Variants in WNK2 observed in about 807,000 individuals in gnomAD.
WNK2 encodes the protein serine/threonine-protein kinase WNK2.
In WNK2, 67 loss-of-function variants were observed where a neutral mutation model predicts 192.1. That is an observed-to-expected ratio of 0.35 (90% CI 0.29 to 0.43). The LOEUF (loss-of-function observed/expected upper bound fraction) is 0.43, where lower values mean the gene tolerates loss of function less well. Ranked by LOEUF, WNK2 falls within the 20% of genes least tolerant of loss-of-function variation. The pLI is 1.00. For synonymous variants in WNK2, 1,439 were observed against 1,393.9 expected, an observed-to-expected ratio of 1.03 and a Z score of -0.72; for missense variants, 2,698 against 3,089.7, an observed-to-expected ratio of 0.87 and a Z score of 3.01.
intron 2 of WNK2, among the ~76,000 whole-genome samples, chr9:93,192,607 T>G (rs1830537003): frequency 1.3e-5 from 2 of 151,918 alleles, no homozygotes; most frequent in African/African-American, 4.8e-5. Context: ...GAGGAGCTCA[T>G]TACCCTGCCC....
rs1267335245 is a variant in WNK2 at position 93,293,280 on chromosome 9, C to T, written c.5708+107C>T. The T allele has an allele frequency of 4.4e-6, 5 of 1,149,394 alleles. No homozygotes were observed. The Admixed American group carries it at 1.8e-4, about 41-fold the overall frequency. 71.2% of individuals were successfully genotyped at this position (1,149,394 alleles called of 1,614,324 possible). A position where few individuals can be genotyped will look rare whatever the true frequency, so the allele number is the denominator to read the frequency against. ...GGGCTGAAGTCCTGGCCAAGCAGCG[C>T]CCACTTGGAGCTGCCAAGCAGGGAC... On this transcript the variant is annotated intron_variant, in intron 23 of 29. Coordinates refer to ENST00000427277, the MANE Select transcript of WNK2 (RefSeq NM_006648.4).
chr9:93,258,021 C>G (rs1843588329), intron 11 of WNK2, among the ~76,000 whole-genome samples: 1 of 152,214 alleles, frequency 6.6e-6, no homozygotes, highest in Non-Finnish European at 1.5e-5. Context: ...ACGAGCCCCA[C>G]CTGGAAGATT....
chr9:93,290,621 C>T (rs1376476780), intron 21 of WNK2, among the ~76,000 whole-genome samples: 2 of 152,186 alleles, frequency 1.3e-5, no homozygotes, highest in African/African-American at 2.4e-5. Context: ...GCACACGTTC[C>T]GGTGGACCCA....
In WNK2 at chr9:93,298,084, AGGGCTGGGATGGGAGCG is replaced by A. The variant is rs1850920926; in HGVS notation, c.5923+26_5923+42del. On this transcript the variant is annotated intron_variant, in intron 24 of 29. Coordinates refer to ENST00000427277, the MANE Select transcript of WNK2 (RefSeq NM_006648.4). Reference sequence around the variant, plus strand: ...CCAGCACAGGTCGGCCTCCGGGTGCAGGGCTGGGATGGGAGCGGGGCTGGGGACCCCCGAGTGAGCCT... The same window carrying A: ...CCAGCACAGGTCGGCCTCCGGGTGCAGGGCTGGGGACCCCCGAGTGAGCCT... The A allele has an allele frequency of 6.5e-7, 1 of 1,547,996 alleles. No individual in the cohort carries two copies. Among genetic ancestry groups the A allele is most frequent in the Non-Finnish European group, 8.7e-7 (1 of 1,146,758 alleles).
intron 2 of WNK2, among the ~76,000 whole-genome samples, chr9:93,201,404 G>C (rs766491744): frequency 2.0e-5 from 3 of 152,206 alleles, no homozygotes; most frequent in Non-Finnish European, 4.4e-5. Flanking sequence ...TTCCTGGTTG[G>C]GGTGCTCACG....
chr9:93,264,160 C>T (rs1057225317), intron 16 of WNK2, 127 bp downstream of exon 16: 9 of 713,082 alleles, frequency 1.3e-5, no homozygotes, highest in Admixed American at 2.1e-5. Flanking sequence ...AGGGGCTTTT[C>T]GGGACAGTGC....
Position 93,268,119 on chromosome 9 carries a change from C to G in WNK2, c.3913+54C>G. On this transcript the variant is annotated intron_variant, in intron 18 of 29. Transcript: ENST00000427277. ...TAAGCAGGCGTTTGATGAAAGTCCCCACTCAGCATATTACCAGGGGTTTGG... is the reference window on the plus strand; with the variant it reads ...TAAGCAGGCGTTTGATGAAAGTCCCGACTCAGCATATTACCAGGGGTTTGG... 5 of 1,560,908 alleles carry G rather than the reference C, an allele frequency of 3.2e-6. No homozygotes were observed. In the South Asian group the frequency reaches 5.9e-5, roughly 18 times the overall value.
Position 93,249,907 on chromosome 9 carries a change from ATTTTTTTTTT to A in WNK2, c.1834+2090_1834+2099del, listed in dbSNP as rs58293954. Among the ~76,000 whole-genome samples the A allele has an allele frequency of 5.2e-3, 444 of 85,450 alleles. 1 individual carries two copies. Among genetic ancestry groups the A allele is most frequent in the African/African-American group, 0.019 (393 of 20,622 alleles). 56.1% of individuals were successfully genotyped at this position (85,450 alleles called of 152,430 possible). A position where few individuals can be genotyped will look rare whatever the true frequency, so the allele number is the denominator to read the frequency against. ...TCCCTAGAGGCAACAGATGCTACCA[ATTTTTTTTTT>A]TTTTTTTTTTTTTTTTAAAGACAGT... On this transcript the variant is annotated intron_variant, in intron 8 of 29. Coordinates refer to ENST00000427277, the MANE Select transcript of WNK2 (RefSeq NM_006648.4).
intron 7 of WNK2, among the ~76,000 whole-genome samples, chr9:93,243,626 C>T (rs868151936): frequency 8.5e-5 from 13 of 152,220 alleles, no homozygotes; most frequent in African/African-American, 2.7e-4. Flanking sequence ...CCTCAAGAGC[C>T]GCCTGGCAGC....
At chr9:93,206,124 G>A (rs894806617) in intron 2 of WNK2, among the ~76,000 whole-genome samples, 4 of 152,224 alleles carry the variant, frequency 2.6e-5, no homozygotes, top group African/African-American at 9.6e-5. Context: ...TGAGGGGCAT[G>A]CGGGGTACAG....
chr9:93,290,897 G>A (rs768316669), intron 21 of WNK2, among the ~76,000 whole-genome samples: 2 of 152,204 alleles, frequency 1.3e-5, no homozygotes, highest in Admixed American at 6.5e-5. Context: ...GACTGATCTT[G>A]TGAGGTCTGA....
chr9:93,296,870 TC>T (rs1850620111), intron 23 of WNK2, among the ~76,000 whole-genome samples: 1 of 78,132 alleles, frequency 1.3e-5, no homozygotes, highest in Admixed American at 1.5e-4. Context: ...CTTCCTCCCC[TC>T]CGCACCCTCC....
In WNK2 at chr9:93,184,189, C is replaced by G. The variant is rs918830839; in HGVS notation, c.-199C>G. Reference sequence around the variant, plus strand: ...GTGCGGGAGCGGAGCCGCGCGAAGCCGGCAGGAGCACGCGGGAGCGCGGCC... The same window carrying G: ...GTGCGGGAGCGGAGCCGCGCGAAGCGGGCAGGAGCACGCGGGAGCGCGGCC... On this transcript the variant is annotated 5_prime_UTR_variant, in exon 1 of 30. Coordinates refer to ENST00000427277, the MANE Select transcript of WNK2 (RefSeq NM_006648.4). Among the ~76,000 whole-genome samples, 1 of 150,208 alleles carries G rather than the reference C, an allele frequency of 6.7e-6. No individual in the cohort carries two copies. Among genetic ancestry groups the G allele is most frequent in the Admixed American group, 6.6e-5 (1 of 15,104 alleles).
At chr9:93,314,292 TAAAA>T (rs796289549) in intron 28 of WNK2, among the ~76,000 whole-genome samples, 1 of 147,974 alleles carries the variant, frequency 6.8e-6, no homozygotes, top group East Asian at 2.0e-4. Context: ...CAAATAAAAA[TAAAA>T]AAACAGCTGG....
chr9:93,190,399 C>T (rs191328392), intron 2 of WNK2, among the ~76,000 whole-genome samples: 169 of 152,308 alleles, frequency 1.1e-3, no homozygotes, highest in African/African-American at 3.7e-3. Context: ...TCAGTGGTGC[C>T]GTGTGGGCGC....
At chr9:93,198,203 C>G (rs924613511) in intron 2 of WNK2, among the ~76,000 whole-genome samples, 15 of 152,196 alleles carry the variant, frequency 9.9e-5, no homozygotes, top group African/African-American at 3.4e-4. Context: ...TTCTGGGCCT[C>G]AGGATCGCCC....
At position 93,234,659 on chromosome 9, in the gene WNK2, G is replaced by T. The variant is rs1050020413; in HGVS notation, c.1076-149G>T. 3 of 914,438 alleles carry T rather than the reference G, an allele frequency of 3.3e-6. No homozygotes were observed. The African/African-American group carries it at 5.0e-5, about 15-fold the overall frequency. The allele number at this position is 914,438 out of a possible 1,614,324, so 56.6% of individuals were successfully genotyped here. A position where few individuals can be genotyped will look rare whatever the true frequency, so the allele number is the denominator to read the frequency against. On this transcript the variant is annotated intron_variant, in intron 4 of 29. Transcript: ENST00000427277. Reference sequence around the variant, plus strand: ...ACCTGTGTCCCAAGTGAGGGGCAGGGCTGGCCCTGGGGTCCAGGTGTTCTG... The same window carrying T: ...ACCTGTGTCCCAAGTGAGGGGCAGGTCTGGCCCTGGGGTCCAGGTGTTCTG...
At chr9:93,308,271 T>G (rs1852974029) in intron 27 of WNK2, 57 bp from the exon 28 acceptor site, 1 of 1,517,612 alleles carries the variant, frequency 6.6e-7, no homozygotes, top group African/African-American at 1.4e-5. Flanking sequence ...GCCAGCCCAC[T>G]GGGGGCCTGG....
rs554663616 is a variant in WNK2 at position 93,295,277 on chromosome 9, TC to T, written c.5708+2108del. ...ATAAGCTCCAGCCTGGATAAGACGCTCCCCTGCCCACGCAGCCGCTCCCCAA... is the reference window on the plus strand; with the variant it reads ...ATAAGCTCCAGCCTGGATAAGACGCTCCCTGCCCACGCAGCCGCTCCCCAA... On this transcript the variant is annotated intron_variant, in intron 23 of 29. Coordinates refer to ENST00000427277, the MANE Select transcript of WNK2 (RefSeq NM_006648.4). Among the ~76,000 whole-genome samples, 974 of 152,010 alleles carry T rather than the reference TC, an allele frequency of 6.4e-3. 7 individuals are homozygous for T. Among genetic ancestry groups the T allele is most frequent in the Non-Finnish European group, 0.01 (703 of 67,936 alleles).
Sources: allele counts gnomAD v4.1 joint callset (sites outside exome capture counted in the v4.1 genomes callset), GRCh38; gene constraint gnomAD v4.1.1; transcripts MANE v1.5; gene names NCBI Gene and HGNC (gene_info 2026-07-23, HGNC 2026-07-21).